Variants in TNPO3 observed in about 807,000 individuals in gnomAD.
The protein encoded by TNPO3 is transportin-3.
TNPO3 carries 65 observed loss-of-function variants against 122.8 expected under a neutral mutation model. The observed-to-expected ratio is 0.53, with a 90% confidence interval of 0.43 to 0.65. The LOEUF (loss-of-function observed/expected upper bound fraction) is 0.65. Among genes scored for constraint, TNPO3 ranks in the 30% least tolerant of loss-of-function variants. The pLI, the probability that TNPO3 is intolerant of heterozygous loss-of-function variation, is 0.00. For missense variants in TNPO3, 850 were observed against 1,136.7 expected (o/e 0.75, Z 3.63); for synonymous variants, 372 against 411.2 (o/e 0.90, Z 1.15).
chr7:129,055,988 CACTG>C (rs1809421289), upstream of TNPO3: 1 of 804,284 alleles, frequency 1.2e-6, no homozygotes, highest in Middle Eastern at 2.2e-4. Context: ...TAGGCGCTGA[CACTG>C]ACCTACAGCG....
intron 1 of TNPO3, among the ~76,000 whole-genome samples, chr7:129,023,618 C>T (rs945435528): frequency 3.3e-5 from 5 of 152,112 alleles, no homozygotes. Context: ...GCAAAGGAGG[C>T]AACCAGCTGG....
At chr7:129,007,685 A>C (rs1238913970) in intron 4 of TNPO3, among the ~76,000 whole-genome samples, 6 of 152,256 alleles carry the variant, frequency 3.9e-5, no homozygotes, top group African/African-American at 1.4e-4. Flanking sequence ...TGCATATTGC[A>C]TTATATATGC....
chr7:128,969,639 T>A (rs1798262809), intron 20 of TNPO3, among the ~76,000 whole-genome samples: 6 of 152,122 alleles, frequency 3.9e-5, no homozygotes, highest in Admixed American at 3.9e-4. Context: ...AACAACTCCA[T>A]CCTTAGGTGG....
intron 1 of TNPO3, among the ~76,000 whole-genome samples, chr7:129,027,341 A>G (rs1479123441): frequency 6.6e-6 from 1 of 152,034 alleles, no homozygotes; most frequent in East Asian, 1.9e-4. Context: ...CGGGCAGATC[A>G]CTTGAGATCA....
chr7:129,035,125 T>C (rs1176670199), intron 1 of TNPO3, among the ~76,000 whole-genome samples: 3 of 149,190 alleles, frequency 2.0e-5, no homozygotes, highest in Admixed American at 1.3e-4. Flanking sequence ...ATACAAAAAA[T>C]TAGCCGGGCG....
Position 129,034,991 on chromosome 7 carries a change from T to A in TNPO3, c.121-16834A>T, listed in dbSNP as rs1044226125. 3.0e-5 allele frequency among the ~76,000 whole-genome samples: 4 copies of A among 134,776 alleles called. No individual in the cohort carries two copies. The East Asian group carries it at 7.4e-4, about 25-fold the overall frequency. 88.4% of individuals were successfully genotyped at this position (134,776 alleles called of 152,430 possible). A position where few individuals can be genotyped will look rare whatever the true frequency, so the allele number is the denominator to read the frequency against. On this transcript the variant is annotated intron_variant, in intron 1 of 22. Transcript: ENST00000265388. ...TCTTCAACTTTTCTTAAACAACATA[T>A]CGGCCGGGCGCGGTGGCTCACGCCT...
chr7:129,048,782 G>A (rs546971109), intron 1 of TNPO3, among the ~76,000 whole-genome samples: 190 of 152,268 alleles, frequency 1.2e-3, no homozygotes, highest in Admixed American at 2.0e-3. Context: ...AGAAAAATGT[G>A]AGTTATCCAA....
intron 1 of TNPO3, among the ~76,000 whole-genome samples, chr7:129,046,941 CG>C (rs1176711450): frequency 6.6e-6 from 1 of 152,114 alleles, no homozygotes; most frequent in East Asian, 1.9e-4. Context: ...TGCCACAAAT[CG>C]GGGGGTATTA....
chr7:128,994,418 A>G (rs1801086038), intron 8 of TNPO3, among the ~76,000 whole-genome samples: 1 of 152,012 alleles, frequency 6.6e-6, no homozygotes, highest in Admixed American at 6.6e-5. Context: ...TCGACCTCCC[A>G]AAGTGTTAGC....
intron 12 of TNPO3, among the ~76,000 whole-genome samples, chr7:128,985,503 C>A (rs188426682): frequency 6.6e-6 from 1 of 152,118 alleles, no homozygotes; most frequent in Non-Finnish European, 1.5e-5. Context: ...AGCTGAGACA[C>A]GAGGGTCACT....
chr7:128,970,033 T>C, intron 20 of TNPO3, 115 bp downstream of exon 20: 3 of 1,245,910 alleles, frequency 2.4e-6, no homozygotes, highest in South Asian at 1.3e-5. Flanking sequence ...TATGCCTAAA[T>C]TTGGTTCCAT....
At chr7:128,967,748 A>G (rs556299529) in intron 20 of TNPO3, among the ~76,000 whole-genome samples, 2 of 152,084 alleles carry the variant, frequency 1.3e-5, no homozygotes, top group Non-Finnish European at 2.9e-5. Context: ...GAACACACAC[A>G]CACACACACA....
Position 128,982,258 on chromosome 7 carries a change from C to T in TNPO3, c.1849G>A (p.Val617Met). Reference sequence around the variant, plus strand: ...AGTCTCCTTTCTTACCTAAATATCACTGCAAGGCGATCTAAGAACACTGTG... The same window carrying T: ...AGTCTCCTTTCTTACCTAAATATCATTGCAAGGCGATCTAAGAACACTGTG... ...DPTVFLDRLAVIFRHTNPIVE... is the reference protein window; with the variant it reads ...DPTVFLDRLAMIFRHTNPIVE... Residue 617 changes from valine (V) to methionine (M), a missense_variant, in exon 14 of 23, where the codon GTG becomes ATG. Physicochemically the swap from Val to Met is conservative, Grantham distance 21. Transcript: ENST00000265388. 6.2e-7 allele frequency: 1 copy of T among 1,612,994 alleles called. No homozygotes were observed. The highest frequency in any genetic ancestry group is 8.5e-7 in the Non-Finnish European group (1 of 1,179,250).
chr7:129,027,569 A>C, intron 1 of TNPO3, among the ~76,000 whole-genome samples: 1 of 131,142 alleles, frequency 7.6e-6, no homozygotes, highest in Non-Finnish European at 1.6e-5. Context: ...AAAAAAAAAA[A>C]AAAAAAAAAA....
intron 1 of TNPO3, among the ~76,000 whole-genome samples, chr7:129,043,301 G>A (rs980700169): frequency 6.6e-6 from 1 of 152,006 alleles, no homozygotes; most frequent in South Asian, 2.1e-4. Flanking sequence ...TTCAGGGGGT[G>A]GGGGTAGGGG....
chr7:128,979,897 C>A, intron 15 of TNPO3, 74 bp downstream of exon 15: 1 of 1,341,922 alleles, frequency 7.5e-7, no homozygotes, highest in South Asian at 1.2e-5. Flanking sequence ...AGTATCTTCT[C>A]AGGTGAGTTA....
intron 11 of TNPO3, among the ~76,000 whole-genome samples, chr7:128,989,224 C>A (rs181656630): frequency 6.6e-6 from 1 of 152,156 alleles, no homozygotes; most frequent in East Asian, 1.9e-4. Flanking sequence ...AAAATAAAAT[C>A]AAGTAAAAAG....
chr7:129,027,558 C>CAA (rs71162549), intron 1 of TNPO3, among the ~76,000 whole-genome samples: 564 of 8,926 alleles, frequency 0.063, 116 homozygotes, highest in East Asian at 0.086. Context: ...AAGACTGTCT[C>CAA]AAAAAAAAAA....
chr7:129,039,947 C>G (rs1807163704), intron 1 of TNPO3, among the ~76,000 whole-genome samples: 2 of 152,104 alleles, frequency 1.3e-5, no homozygotes, highest in Admixed American at 1.3e-4. Context: ...GGGTACAGGT[C>G]TCTTTCTGGT....
Sources: gnomAD v4.1 joint callset for allele counts (sites outside exome capture counted in the v4.1 genomes callset) on GRCh38, gnomAD v4.1.1 for gene constraint, MANE v1.5 for transcripts, NCBI Gene and HGNC (gene_info 2026-07-23, HGNC 2026-07-21) for gene names.